SPTBN1: variants seen among roughly 807,000 people sequenced by gnomAD.
SPTBN1 encodes spectrin beta chain, non-erythrocytic 1.
In SPTBN1, 32 loss-of-function variants were observed where a neutral mutation model predicts 266.4. The ratio of observed to expected loss-of-function variants is 0.12; its 90% confidence interval spans 0.09 to 0.16. SPTBN1 has a LOEUF of 0.16. Among genes scored for constraint, SPTBN1 ranks in the 10% least tolerant of loss-of-function variants. SPTBN1 has a pLI of 1.00. For missense variants in SPTBN1, 2,296 were observed against 3,067.1 expected, an observed-to-expected ratio of 0.75 and a Z score of 5.94; for synonymous variants, 1,336 against 1,162.2, an observed-to-expected ratio of 1.15 and a Z score of -3.04.
rs1315697826 is a variant in SPTBN1, at chr2:54,626,065, A to G, written c.1475A>G (p.Asn492Ser). Residue 492 changes from asparagine to serine, a missense_variant, in exon 12 of 36, where the codon AAT (asparagine) becomes AGT (serine). Coordinates refer to ENST00000356805, the MANE Select transcript of SPTBN1 (RefSeq NM_003128.3). The surrounding 1 kb of genome is among the most constrained non-coding windows in gnomAD (Gnocchi z 4.7). ...VAVARELEAE[N>S]YHDIKRITAR... Reference sequence around the variant, plus strand: ...GTGGCCAGGGAGCTCGAGGCCGAGAATTACCACGACATCAAGCGCATCACA... The same window carrying G: ...GTGGCCAGGGAGCTCGAGGCCGAGAGTTACCACGACATCAAGCGCATCACA... 1 of 1,614,186 alleles carries G rather than the reference A, an allele frequency of 6.2e-7. No individual in the cohort carries two copies. The highest frequency in any genetic ancestry group is 1.7e-5 in the Admixed American group (1 of 60,026).
At chr2:54,470,699 C>T (rs1338270473) in intron 1 of SPTBN1, among the ~76,000 whole-genome samples, 3 of 152,118 alleles carry the variant, frequency 2.0e-5, no homozygotes, top group East Asian at 1.9e-4. Flanking sequence ...TTCACCAGAA[C>T]AGGGTGGCAT....
rs1185297642 is a variant in SPTBN1, at chr2:54,653,339, C to T, written c.5578-270C>T. Reference sequence around the variant, plus strand: ...TCCCAGGCTGCCTCCAGGGGACTTTCCCTGACTAAACTCTCCTGCCTGTCT... The same window carrying T: ...TCCCAGGCTGCCTCCAGGGGACTTTTCCTGACTAAACTCTCCTGCCTGTCT... On this transcript the variant is annotated intron_variant, in intron 26 of 35. Coordinates refer to ENST00000356805, the MANE Select transcript of SPTBN1 (RefSeq NM_003128.3). The surrounding 1 kb of genome is among the most constrained non-coding windows in gnomAD (Gnocchi z 5.1). 3 of 409,932 alleles carry T rather than the reference C, an allele frequency of 7.3e-6. No homozygotes were observed. In the South Asian group the frequency reaches 1.2e-4, roughly 16 times the overall value. The allele number at this position is 409,932 out of a possible 1,614,324, so 25.4% of individuals were successfully genotyped here. A position where few individuals can be genotyped will look rare whatever the true frequency, so the allele number is the denominator to read the frequency against.
At chr2:54,648,756 G>T (rs1206267736) in intron 24 of SPTBN1, among the ~76,000 whole-genome samples, 1 of 152,192 alleles carries the variant, frequency 6.6e-6, no homozygotes, top group East Asian at 1.9e-4. Flanking sequence ...GTAGGGATAG[G>T]TGAATGTAGT....
At position 54,626,120 on chromosome 2, in the gene SPTBN1, G is replaced by A; in HGVS notation, c.1530G>A (p.Trp510Ter). Residue 510 changes from tryptophan (W) to a stop codon, truncating the protein, a stop_gained, in exon 12 of 36, where the codon TGG becomes TGA. Coordinates refer to ENST00000356805, the MANE Select transcript of SPTBN1 (RefSeq NM_003128.3). LOFTEE classifies it high-confidence loss of function. The surrounding 1 kb of genome is among the most constrained non-coding windows in gnomAD (Gnocchi z 4.7). ...TARKDNVIRL[W>*]EYLLELLRAR... is the part of the protein sequence containing the mutation. ...GGAAGGACAATGTCATCCGGCTCTGGGAATACCTACTGGAACTGCTCAGGG... is the reference window on the plus strand; with the variant it reads ...GGAAGGACAATGTCATCCGGCTCTGAGAATACCTACTGGAACTGCTCAGGG... 6.2e-7 allele frequency: 1 copy of A among 1,614,178 alleles called. No homozygotes were observed. Among genetic ancestry groups the A allele is most frequent in the Non-Finnish European group, 8.5e-7 (1 of 1,180,028 alleles).
At chr2:54,607,896 AAAT>A (rs941466709) in intron 3 of SPTBN1, among the ~76,000 whole-genome samples, 23 of 152,200 alleles carry the variant, frequency 1.5e-4, no homozygotes, top group African/African-American at 5.3e-4. Flanking sequence ...AGAAAGTGAA[AAAT>A]AATAATCTGA....
chr2:54,593,851 G>C (rs1422269325), intron 2 of SPTBN1, among the ~76,000 whole-genome samples: 1 of 11,584 alleles, frequency 8.6e-5, no homozygotes, highest in Non-Finnish European at 2.2e-4. Flanking sequence ...TTTTTTTTTT[G>C]AGACAGAGTC....
intron 1 of SPTBN1, among the ~76,000 whole-genome samples, chr2:54,496,219 C>T (rs916579319): frequency 6.6e-6 from 1 of 151,980 alleles, no homozygotes; most frequent in African/African-American, 2.4e-5. Context: ...GGGTGGATTG[C>T]CTAAGCTCAG....
chr2:54,609,943 T>G (rs1362197094), intron 3 of SPTBN1, among the ~76,000 whole-genome samples: 1 of 151,622 alleles, frequency 6.6e-6, no homozygotes, highest in Non-Finnish European at 1.5e-5. Context: ...CCCAGCTGCA[T>G]TTGCACAGAA....
chr2:54,645,876 G>T lies in SPTBN1; in HGVS notation c.4495-52G>T. 1.9e-6 allele frequency: 3 copies of T among 1,593,264 alleles called. No individual in the cohort carries two copies. The highest frequency in any genetic ancestry group is 2.6e-6 in the Non-Finnish European group (3 of 1,161,906). On this transcript the variant is annotated intron_variant, in intron 21 of 35. Transcript: ENST00000356805. The surrounding 1 kb of genome is among the most constrained non-coding windows in gnomAD (Gnocchi z 4.3). ...CTGCCCCTCACTGCTCGTTTGTGTC[G>T]TATATTTGTTCCTCTGAGTGGATCT...
At chr2:54,666,311 G>C (rs1282535975) in intron 34 of SPTBN1, among the ~76,000 whole-genome samples, 2 of 152,320 alleles carry the variant, frequency 1.3e-5, no homozygotes, top group African/African-American at 4.8e-5. Context: ...GTACATCTGA[G>C]CATTGAAGGA....
rs2941585 is a variant in SPTBN1 at position 54,657,266 on chromosome 2, A to G, written c.6047-584A>G. On this transcript the variant is annotated intron_variant, in intron 29 of 35. Coordinates refer to ENST00000356805, the MANE Select transcript of SPTBN1 (RefSeq NM_003128.3). ...TCCTTCCCTCCCTCTAAACCCCCCAAAATAAAACACACAACTACCGCCCAA... is the reference window on the plus strand; with the variant it reads ...TCCTTCCCTCCCTCTAAACCCCCCAGAATAAAACACACAACTACCGCCCAA... 7.7e-3 allele frequency among the ~76,000 whole-genome samples: 1,167 copies of G among 152,268 alleles called. 13 individuals are homozygous for G. Among genetic ancestry groups the G allele is most frequent in the Non-Finnish European group, 0.012 (824 of 68,004 alleles).
rs557253564 is a variant in SPTBN1, at chr2:54,461,881, T to C, written c.-48+5363T>C. On this transcript the variant is annotated intron_variant, in intron 1 of 35. Transcript: ENST00000356805. ...TCTTAACTCGAATTTGTGATTTCTT[T>C]TGATGATCGGTTATTTGTAATTTAG... is the stretch of plus-strand genomic sequence containing the variant. 3.3e-5 allele frequency among the ~76,000 whole-genome samples: 5 copies of C among 152,372 alleles called. No individual in the cohort carries two copies. In the South Asian group the frequency reaches 8.3e-4, roughly 25 times the overall value.
intron 17 of SPTBN1, among the ~76,000 whole-genome samples, chr2:54,635,719 C>A (rs944571537): frequency 6.6e-6 from 1 of 152,190 alleles, no homozygotes; most frequent in Non-Finnish European, 1.5e-5. Flanking sequence ...AGATGCCATG[C>A]CAAAGGGAAT....
At chr2:54,637,464 A>T (rs1018224881) in intron 17 of SPTBN1, among the ~76,000 whole-genome samples, 1 of 152,210 alleles carries the variant, frequency 6.6e-6, no homozygotes, top group Non-Finnish European at 1.5e-5. Context: ...ACAAATTTGT[A>T]TAGATCATTT....
intron 1 of SPTBN1, among the ~76,000 whole-genome samples, chr2:54,518,059 T>A (rs1558797993): frequency 6.6e-6 from 1 of 152,124 alleles, no homozygotes; most frequent in African/African-American, 2.4e-5. Context: ...TGACTTTTCT[T>A]GTGTTGTTAA....
At chr2:54,569,857 A>G (rs1673933344) in intron 2 of SPTBN1, among the ~76,000 whole-genome samples, 1 of 152,164 alleles carries the variant, frequency 6.6e-6, no homozygotes, top group African/African-American at 2.4e-5. Flanking sequence ...TGAGCCTTGT[A>G]AACTTGAGTG....
chr2:54,466,314 G>A (rs1693626546), intron 1 of SPTBN1, among the ~76,000 whole-genome samples: 1 of 152,126 alleles, frequency 6.6e-6, no homozygotes, highest in African/African-American at 2.4e-5. Context: ...TTTGAGGTAT[G>A]TATTTTCAAA....
rs193166209 is a variant in SPTBN1, at chr2:54,632,535, C to T, written c.3565-31C>T. 420 of 1,605,794 alleles carry T rather than the reference C, an allele frequency of 2.6e-4. 8 individuals carry two copies. In the East Asian group the frequency reaches 7.9e-3, roughly 30 times the overall value. On this transcript the variant is annotated intron_variant, in intron 16 of 35. Transcript: ENST00000356805. ...CAGGAAAATGAGATCCTTCATTGAT[C>T]TGCTATGATTTGTTCCTCTTTTTAA...
At chr2:54,545,291 C>T (rs754143810) in intron 2 of SPTBN1, 5 of 152,094 alleles carry the variant, frequency 3.3e-5, no homozygotes, top group Non-Finnish European at 5.9e-5. Flanking sequence ...AGTATATACC[C>T]AGTATACTGT....
Sources: allele counts gnomAD v4.1 joint callset (sites outside exome capture counted in the v4.1 genomes callset), GRCh38; gene constraint gnomAD v4.1.1; non-coding constraint Gnocchi (gnomAD v3.1); transcripts MANE v1.5; gene names NCBI Gene and HGNC (gene_info 2026-07-23, HGNC 2026-07-21).